Variants in PTGER4 observed in about 807,000 individuals in gnomAD.
PTGER4 encodes the protein prostaglandin E2 receptor EP4 subtype.
PTGER4 carries 11 observed loss-of-function variants against 33.2 expected under a neutral mutation model. That is an observed-to-expected ratio of 0.33 (90% CI 0.21 to 0.55). PTGER4 has a LOEUF of 0.55. PTGER4 is among the 20% of genes least tolerant of loss of function. The pLI is 0.92. For synonymous variants in PTGER4, 275 were observed against 281.5 expected (o/e 0.98, Z 0.23); for missense variants, 481 against 650.2 (o/e 0.74, Z 2.83).
chr5:40,708,795 C>T, the PTGER4 span, among the ~76,000 whole-genome samples: 4 of 152,166 alleles, frequency 2.6e-5, no homozygotes, highest in Admixed American at 6.5e-5. Flanking sequence ...AAAATATTGG[C>T]AAACTGAATC....
At chr5:40,701,729 A>T in the PTGER4 span, among the ~76,000 whole-genome samples, 3 of 152,348 alleles carry the variant, frequency 2.0e-5, no homozygotes, top group South Asian at 6.2e-4. Context: ...ACACATAATC[A>T]TCAGATTTTC....
chr5:40,729,683 TTTATTTATTTTTTATTTAC>T, the PTGER4 span, among the ~76,000 whole-genome samples: 1 of 152,144 alleles, frequency 6.6e-6, no homozygotes, highest in Non-Finnish European at 1.5e-5. Context: ...ACAGTGACTT[TTTATTTATTTTTTATTTAC>T]TTATTTATTT....
the PTGER4 span, among the ~76,000 whole-genome samples, chr5:40,740,339 G>A: frequency 6.6e-6 from 1 of 151,458 alleles, no homozygotes; most frequent in East Asian, 1.9e-4. Context: ...AGGCCTACTG[G>A]TAATGGGTTA....
At chr5:40,738,562 TAAAATATAAAATAAA>T in the PTGER4 span, among the ~76,000 whole-genome samples, 1 of 126,026 alleles carries the variant, frequency 7.9e-6, no homozygotes, top group Non-Finnish European at 1.7e-5. Flanking sequence ...TAAAATAAAA[TAAAATATAAAATAAA>T]ATAAAATAAA....
chr5:40,740,799 A>T, the PTGER4 span, among the ~76,000 whole-genome samples: 2 of 152,196 alleles, frequency 1.3e-5, no homozygotes, highest in African/African-American at 4.8e-5. Context: ...GTCCTCTCAT[A>T]CAGTGATTCC....
chr5:40,730,902 TATA>T, the PTGER4 span, among the ~76,000 whole-genome samples: 1 of 152,082 alleles, frequency 6.6e-6, no homozygotes, highest in Non-Finnish European at 1.5e-5. Context: ...TCTGATTATT[TATA>T]ATAATAATAA....
the PTGER4 span, chr5:40,714,743 T>C: frequency 1.3e-5 from 2 of 152,240 alleles, no homozygotes; most frequent in Admixed American, 6.6e-5. Flanking sequence ...TGAAAAGAGA[T>C]ATGCATTCCA....
the PTGER4 span, among the ~76,000 whole-genome samples, chr5:40,708,280 G>A: frequency 1.2e-4 from 19 of 152,072 alleles, no homozygotes; most frequent in Admixed American, 6.5e-4. Flanking sequence ...TGGATAGACC[G>A]CTAGCAAGAC....
the PTGER4 span, among the ~76,000 whole-genome samples, chr5:40,707,238 A>G: frequency 6.6e-6 from 1 of 152,328 alleles, no homozygotes; most frequent in Admixed American, 6.5e-5. Flanking sequence ...GGACTGGCAA[A>G]TTGGATAAAG....
intron 2 of PTGER4, among the ~76,000 whole-genome samples, chr5:40,687,338 C>T (rs533428318): frequency 6.6e-6 from 1 of 152,328 alleles, no homozygotes; most frequent in East Asian, 1.9e-4. Context: ...AGCCACCATG[C>T]CCGGCCATAT....
At chr5:40,722,425 G>A in the PTGER4 span, among the ~76,000 whole-genome samples, 10 of 150,078 alleles carry the variant, frequency 6.7e-5, no homozygotes, top group African/African-American at 9.8e-5. Context: ...AGTGAGGAGC[G>A]CCTCTTCCCG....
Position 40,692,373 on chromosome 5 carries a change from A to G in PTGER4, c.1462A>G (p.Ile488Val). Residue 488 changes from isoleucine to valine, a missense_variant, in exon 3 of 3, where the codon ATA (isoleucine) becomes GTA (valine). By Grantham distance (29) the Ile-to-Val change is conservative (BLOSUM62 3). This residue lies in a region of PTGER4 where 172 missense variants were observed against 199.2 expected (regional missense o/e 0.86). Coordinates refer to ENST00000302472, the MANE Select transcript of PTGER4 (RefSeq NM_000958.3). Reference protein sequence around the residue: ...SETLNLSEKCI With the variant: ...SETLNLSEKCV The stretch of plus-strand genomic sequence containing the variant: ...AACACTGAACTTATCAGAAAAATGT[A>G]TATAATAGGCAAGGAAAGAAATACA... 1.9e-6 allele frequency: 3 copies of G among 1,584,298 alleles called. No individual in the cohort carries two copies. The highest frequency in any genetic ancestry group is 2.6e-6 in the Non-Finnish European group (3 of 1,164,002).
chr5:40,689,367 A>G (rs1478316864), intron 2 of PTGER4, among the ~76,000 whole-genome samples: 1 of 152,244 alleles, frequency 6.6e-6, no homozygotes, highest in Non-Finnish European at 1.5e-5. Context: ...CTGATCCAGT[A>G]TCATCCAGGA....
At chr5:40,697,232 AAG>A (rs754420229), downstream of PTGER4, among the ~76,000 whole-genome samples, 3 of 44,934 alleles carry the variant, frequency 6.7e-5, no homozygotes, top group Middle Eastern at 0.01. Flanking sequence ...GAAGAAAAGA[AAG>A]AAAGAAAGAA....
At chr5:40,695,423 G>A (rs1295380173), downstream of PTGER4, among the ~76,000 whole-genome samples, 1 of 103,080 alleles carries the variant, frequency 9.7e-6, no homozygotes, top group Non-Finnish European at 2.1e-5. Flanking sequence ...GGTGCCTGTA[G>A]TCCAGCTACT....
At chr5:40,742,968 G>A in the PTGER4 span, among the ~76,000 whole-genome samples, 1 of 152,164 alleles carries the variant, frequency 6.6e-6, no homozygotes, top group Non-Finnish European at 1.5e-5. Flanking sequence ...GGCCTAGTAA[G>A]TGCCACAAAT....
chr5:40,731,914 T>C, the PTGER4 span, among the ~76,000 whole-genome samples: 1 of 152,264 alleles, frequency 6.6e-6, no homozygotes, highest in Non-Finnish European at 1.5e-5. Context: ...CAAAGCATTT[T>C]ATGTTTTACA....
chr5:40,714,668 T>C, the PTGER4 span: 1 of 152,398 alleles, frequency 6.6e-6, no homozygotes, highest in Admixed American at 6.5e-5. Flanking sequence ...CCAGAGCTAA[T>C]TTTCTGATGA....
downstream of PTGER4, among the ~76,000 whole-genome samples, chr5:40,697,262 G>GAAAGAAAGAAAGAA (rs1561134487): frequency 1.2e-4 from 14 of 117,458 alleles, no homozygotes; most frequent in African/African-American, 3.7e-4. Context: ...AAGAAAGAAA[G>GAAAGAAAGAAAGAA]AAAGAAAGAA....
Sources: allele counts gnomAD v4.1 joint callset (sites outside exome capture counted in the v4.1 genomes callset), GRCh38; gene constraint gnomAD v4.1.1; regional missense constraint gnomAD v4.1.1; transcripts MANE v1.5; gene names NCBI Gene and HGNC (gene_info 2026-07-23, HGNC 2026-07-21).